The following C8orf34 variants were observed in gnomAD, a reference collection of about 807,000 sequenced individuals.
C8orf34 encodes the protein uncharacterized protein C8orf34.
A neutral mutation model predicts 68.3 loss-of-function variants in C8orf34; 65 were observed. The observed-to-expected ratio is 0.95, with a 90% CI of 0.78 to 1.17. The LOEUF (loss-of-function observed/expected upper bound fraction) is 1.17, where lower values mean the gene tolerates loss of function less well. C8orf34 is among the 50% of genes most tolerant of loss of function. The pLI is 0.00. For missense variants in C8orf34, 664 were observed against 655.4 expected, an observed-to-expected ratio of 1.01 and a Z score of -0.14; for synonymous variants, 244 against 241.2, an observed-to-expected ratio of 1.01 and a Z score of -0.11.
chr8:68,454,934 G>A (rs144810496), intron 3 of C8orf34, among the ~76,000 whole-genome samples: 160 of 151,676 alleles, frequency 1.1e-3, no homozygotes, highest in African/African-American at 3.6e-3. Flanking sequence ...CTTAAGGTTC[G>A]GTATGTTGTT....
At chr8:68,776,280 A>G (rs552558531) in intron 10 of C8orf34, 119 bp from the exon 11 acceptor site, 356 of 728,612 alleles carry the variant, frequency 4.9e-4, no homozygotes, top group Middle Eastern at 1.4e-3. Flanking sequence ...GTATCAACTG[A>G]AAAGGTGGGA....
intron 1 of C8orf34, among the ~76,000 whole-genome samples, chr8:68,349,313 T>G (rs13258994): frequency 0.41 from 61,866 of 151,864 alleles, 12,784 homozygotes; most frequent in Non-Finnish European, 0.45. Flanking sequence ...CTTTGCATCC[T>G]AGGGATGAAG....
intron 8 of C8orf34, among the ~76,000 whole-genome samples, chr8:68,675,507 T>G (rs1261639602): frequency 6.6e-6 from 1 of 151,778 alleles, no homozygotes; most frequent in Admixed American, 6.6e-5. Flanking sequence ...CAGTGTCAAA[T>G]TGTCGAAAGT....
intron 1 of C8orf34, among the ~76,000 whole-genome samples, chr8:68,376,703 G>A (rs1286815875): frequency 6.6e-6 from 1 of 150,732 alleles, no homozygotes; most frequent in African/African-American, 2.4e-5. Context: ...ACAAAGTTTT[G>A]TTTTATGTCC....
At chr8:68,449,038 A>C (rs144300253) in intron 3 of C8orf34, among the ~76,000 whole-genome samples, 1 of 152,272 alleles carries the variant, frequency 6.6e-6, no homozygotes, top group East Asian at 1.9e-4. Flanking sequence ...GAAGATATAA[A>C]CAGAATAAAT....
chr8:68,671,726 A>T (rs1296934679), intron 8 of C8orf34, among the ~76,000 whole-genome samples: 1 of 152,158 alleles, frequency 6.6e-6, no homozygotes, highest in Non-Finnish European at 1.5e-5. Context: ...ATAATCGGGT[A>T]AGAGTTGTCT....
chr8:68,728,636 T>C (rs1353095488), intron 10 of C8orf34, among the ~76,000 whole-genome samples: 1 of 152,178 alleles, frequency 6.6e-6, no homozygotes, highest in Non-Finnish European at 1.5e-5. Context: ...AAACCTCTGA[T>C]AAACCCATCA....
intron 7 of C8orf34, among the ~76,000 whole-genome samples, chr8:68,553,404 A>AC (rs1563526298): frequency 6.6e-6 from 1 of 151,418 alleles, no homozygotes; most frequent in African/African-American, 2.4e-5. Context: ...AAAAAAAAAA[A>AC]AAAAAACATA....
intron 5 of C8orf34, among the ~76,000 whole-genome samples, chr8:68,496,478 C>A (rs1170075613): frequency 6.6e-6 from 1 of 152,172 alleles, no homozygotes; most frequent in Admixed American, 6.5e-5. Context: ...GCTATGTAAT[C>A]TTGCCTTTCT....
In C8orf34 at chr8:68,648,563, G is replaced by A. The variant is rs139626024; in HGVS notation, c.1241+8052G>A. 4.9e-3 allele frequency among the ~76,000 whole-genome samples: 746 copies of A among 152,226 alleles called. 2 individuals are homozygous for A. The highest frequency in any genetic ancestry group is 7.7e-3 in the Non-Finnish European group (521 of 68,020). On this transcript the variant is annotated intron_variant, in intron 8 of 13. Coordinates refer to ENST00000518698, the MANE Select transcript of C8orf34 (RefSeq NM_052958.4). ...GCGTGGACTCATGCCAGGGCATTCC[G>A]GGTGGTAAGATGCTATTTGCTTTTG... is the stretch of plus-strand genomic sequence containing the variant.
intron 7 of C8orf34, among the ~76,000 whole-genome samples, chr8:68,592,278 A>G (rs1319454242): frequency 6.6e-6 from 1 of 152,108 alleles, no homozygotes; most frequent in Admixed American, 6.6e-5. Flanking sequence ...CCGTAAATCA[A>G]TTTAGCATAT....
intron 1 of C8orf34, among the ~76,000 whole-genome samples, chr8:68,362,392 G>A (rs1807040987): frequency 1.3e-5 from 2 of 152,120 alleles, no homozygotes; most frequent in Admixed American, 6.6e-5. Context: ...AAAGTACATC[G>A]ATTAATTCCA....
At chr8:68,744,685 A>G (rs1398724177) in intron 10 of C8orf34, among the ~76,000 whole-genome samples, 2 of 152,182 alleles carry the variant, frequency 1.3e-5, no homozygotes, top group African/African-American at 2.4e-5. Context: ...GTTTAGAGAA[A>G]AAAGAATAAA....
chr8:68,602,493 A>C (rs916633074), intron 7 of C8orf34, among the ~76,000 whole-genome samples: 1 of 152,000 alleles, frequency 6.6e-6, no homozygotes, highest in East Asian at 1.9e-4. Context: ...AAACCATCAG[A>C]TCTCTTGAGA....
Position 68,596,479 on chromosome 8 carries a change from T to C in C8orf34, c.1106-43897T>C, listed in dbSNP as rs138804208. On this transcript the variant is annotated intron_variant, in intron 7 of 13. Coordinates refer to ENST00000518698, the MANE Select transcript of C8orf34 (RefSeq NM_052958.4). ...CTCTACTTGCAAGACAATAAGATAG[T>C]CTGCTACAATGTTGTGTGTTCTCGC... 1.7e-3 allele frequency among the ~76,000 whole-genome samples: 253 copies of C among 152,288 alleles called. 3 individuals are homozygous for C. Among genetic ancestry groups the C allele is most frequent in the African/African-American group, 6.0e-3 (248 of 41,582 alleles).
intron 8 of C8orf34, among the ~76,000 whole-genome samples, chr8:68,643,169 G>A (rs2130746170): frequency 6.6e-6 from 1 of 152,310 alleles, no homozygotes; most frequent in African/African-American, 2.4e-5. Flanking sequence ...ATGGAGAACT[G>A]TCTCCCATTG....
At chr8:68,747,215 G>C (rs1376844199) in intron 10 of C8orf34, among the ~76,000 whole-genome samples, 1 of 151,704 alleles carries the variant, frequency 6.6e-6, no homozygotes, top group African/African-American at 2.4e-5. Context: ...CAATAAATTA[G>C]GTATTGATGG....
chr8:68,678,667 C>T (rs1383140314), intron 8 of C8orf34, among the ~76,000 whole-genome samples: 3 of 152,110 alleles, frequency 2.0e-5, no homozygotes, highest in Non-Finnish European at 2.9e-5. Flanking sequence ...AAAGGCTTTT[C>T]TCTAAGATCT....
chr8:68,426,538 AAAAG>A (rs1563429132), intron 1 of C8orf34, among the ~76,000 whole-genome samples: 5 of 149,850 alleles, frequency 3.3e-5, no homozygotes, highest in African/African-American at 1.2e-4. Context: ...AAAAAAAAAA[AAAAG>A]AAAACAGAAA....
Sources: gnomAD v4.1 joint callset for allele counts (sites outside exome capture counted in the v4.1 genomes callset) on GRCh38, gnomAD v4.1.1 for gene constraint, MANE v1.5 for transcripts, NCBI Gene and HGNC (gene_info 2026-07-23, HGNC 2026-07-21) for gene names.